The following KAT2B variants were observed in gnomAD, a reference collection of about 807,000 sequenced individuals.
The protein encoded by KAT2B is lysine acetyltransferase 2B, also known as histone acetyltransferase KAT2B.
A neutral mutation model predicts 105.9 loss-of-function variants in KAT2B; 36 were observed. The observed-to-expected ratio is 0.34, with a 90% CI of 0.26 to 0.45. KAT2B has a LOEUF of 0.45. KAT2B is among the 20% of genes least tolerant of loss of function. The pLI, the probability that KAT2B is intolerant of heterozygous loss-of-function variation, is 1.00. For synonymous variants in KAT2B, 397 were observed against 377.9 expected (o/e 1.05, Z -0.59); for missense variants, 820 against 1,021.6 (o/e 0.80, Z 2.69).
Position 20,122,542 on chromosome 3 carries a change from T to C in KAT2B, c.1277-126T>C, listed in dbSNP as rs189306316. 9.3e-6 allele frequency: 6 copies of C among 646,132 alleles called. No homozygotes were observed. The East Asian group carries it at 1.7e-4, about 19-fold the overall frequency. 40.0% of individuals were successfully genotyped at this position (646,132 alleles called of 1,614,324 possible). A position where few individuals can be genotyped will look rare whatever the true frequency, so the allele number is the denominator to read the frequency against. ...TTTCCTGTCTTCCTTTGTCACCCCT[T>C]CCCCTGGTGGTAAAGATAGAGTTGA... On this transcript the variant is annotated intron_variant, in intron 8 of 17. Transcript: ENST00000263754.
At chr3:20,049,380 G>A (rs930359384) in intron 1 of KAT2B, among the ~76,000 whole-genome samples, 14 of 152,166 alleles carry the variant, frequency 9.2e-5, no homozygotes, top group African/African-American at 2.7e-4. Context: ...CACGACATTT[G>A]ATTCTTCTAC....
intron 1 of KAT2B, among the ~76,000 whole-genome samples, chr3:20,067,152 A>C (rs1610186): frequency 0.5 from 75,259 of 152,004 alleles, 20,960 homozygotes; most frequent in East Asian, 0.95. Flanking sequence ...AAATAAAAAT[A>C]TACTTTGTAC....
At chr3:20,134,632 C>A (rs1464809673) in intron 11 of KAT2B, among the ~76,000 whole-genome samples, 2 of 152,188 alleles carry the variant, frequency 1.3e-5, no homozygotes, top group Non-Finnish European at 2.9e-5. Flanking sequence ...TGGTCTCGAT[C>A]TCCTGACCTC....
intron 13 of KAT2B, among the ~76,000 whole-genome samples, chr3:20,141,987 T>G (rs1468369875): frequency 2.0e-5 from 3 of 152,098 alleles, no homozygotes; most frequent in South Asian, 2.1e-4. Context: ...CAGCAGCACA[T>G]CGTTCCGCAT....
rs144992121 is a variant in KAT2B, at chr3:20,079,709, C to T, written c.430+7250C>T. Among the ~76,000 whole-genome samples, 5 of 152,272 alleles carry T rather than the reference C, an allele frequency of 3.3e-5. No individual in the cohort carries two copies. In the East Asian group the frequency reaches 5.8e-4, roughly 18 times the overall value. ...TAGACTTGTACCATATAATTGCCCC[C>T]TCAGTTCCCATTTATACATGTACTG... On this transcript the variant is annotated intron_variant, in intron 2 of 17. Coordinates refer to ENST00000263754, the MANE Select transcript of KAT2B (RefSeq NM_003884.5).
At chr3:20,093,830 A>G (rs1256471772) in intron 2 of KAT2B, among the ~76,000 whole-genome samples, 1 of 152,168 alleles carries the variant, frequency 6.6e-6, no homozygotes, top group Non-Finnish European at 1.5e-5. Flanking sequence ...AAACGTAGTA[A>G]TAGATGTTGG....
At chr3:20,081,430 G>A (rs1214771826) in intron 2 of KAT2B, among the ~76,000 whole-genome samples, 2 of 152,170 alleles carry the variant, frequency 1.3e-5, no homozygotes, top group Non-Finnish European at 1.5e-5. Context: ...GTCACTCTCT[G>A]GCACCCTGGG....
rs1439349691 is a variant in KAT2B, at chr3:20,148,254, G to C, written c.2168G>C (p.Arg723Thr). 1 of 1,613,864 alleles carries C rather than the reference G, an allele frequency of 6.2e-7. No homozygotes were observed. ...TTTTTCCTTTCAAGTAAAGAGCCCA[G>C]AGACCCTGACCAGCTTTACAGCACG... ...PSGKEKSKEP[R>T]DPDQLYSTLK... Residue 723 changes from arginine to threonine, a missense_variant, in exon 16 of 18, where the codon AGA becomes ACA. By Grantham distance (71) the Arg-to-Thr change is moderately conservative. Coordinates refer to ENST00000263754, the MANE Select transcript of KAT2B (RefSeq NM_003884.5).
intron 1 of KAT2B, among the ~76,000 whole-genome samples, chr3:20,051,503 T>A (rs1440169879): frequency 5.9e-5 from 9 of 152,232 alleles, no homozygotes; most frequent in Non-Finnish European, 4.4e-5. Context: ...ACCATACATG[T>A]TGAGAGTGAT....
chr3:20,145,142 T>G (rs1204716474), intron 13 of KAT2B, among the ~76,000 whole-genome samples: 2 of 152,204 alleles, frequency 1.3e-5, no homozygotes, highest in African/African-American at 4.8e-5. Flanking sequence ...CAATGTAAAA[T>G]ATCTTACACT....
intron 1 of KAT2B, among the ~76,000 whole-genome samples, chr3:20,066,966 C>T (rs922402668): frequency 4.6e-5 from 7 of 151,980 alleles, no homozygotes; most frequent in Middle Eastern, 3.2e-3. Context: ...TTAAAGACTC[C>T]GTATTCGCTT....
intron 5 of KAT2B, among the ~76,000 whole-genome samples, chr3:20,105,284 C>T (rs1698980329): frequency 6.6e-6 from 1 of 152,104 alleles, no homozygotes; most frequent in South Asian, 2.1e-4. Flanking sequence ...TTTTGAAGTT[C>T]CTGAATTTCA....
chr3:20,111,570 A>G, intron 5 of KAT2B, 26 bp from the exon 6 acceptor site: 1 of 1,577,954 alleles, frequency 6.3e-7, no homozygotes, highest in African/African-American at 1.4e-5. Flanking sequence ...TGGGATATTG[A>G]TGGTGCTTGA....
At chr3:20,083,325 A>C (rs977706024) in intron 2 of KAT2B, among the ~76,000 whole-genome samples, 3 of 152,216 alleles carry the variant, frequency 2.0e-5, no homozygotes, top group Non-Finnish European at 4.4e-5. Flanking sequence ...ACTTTTAGAT[A>C]ATTGAAGGGA....
chr3:20,146,389 A>G lies in KAT2B; in HGVS notation c.2078A>G (p.Asp693Gly). 4.3e-6 allele frequency: 7 copies of G among 1,613,314 alleles called. No individual in the cohort carries two copies. The highest frequency in any genetic ancestry group is 5.1e-6 in the Non-Finnish European group (6 of 1,179,338). ...TACCCTGGACTTTCATGTTTTAAAG[A>G]TGGAGTTCGACAGATTCCTATAGAA... ...KVYPGLSCFK[D>G]GVRQIPIESI... Residue 693 changes from aspartate (D) to glycine (G), a missense_variant, in exon 14 of 18, where the codon GAT (aspartate) becomes GGT (glycine). By Grantham distance (94) the Asp-to-Gly change is moderately conservative. Around this residue, in one of 6 missense-constraint regions of KAT2B, gnomAD observed 227 missense variants for 292.9 expected, o/e 0.77. Coordinates refer to ENST00000263754, the MANE Select transcript of KAT2B (RefSeq NM_003884.5).
At chr3:20,111,229 G>A (rs1699115329) in intron 5 of KAT2B, among the ~76,000 whole-genome samples, 1 of 152,100 alleles carries the variant, frequency 6.6e-6, no homozygotes, top group Non-Finnish European at 1.5e-5. Context: ...CAATGAAGTA[G>A]GTATTATTGT....
chr3:20,072,379 C>T lies in KAT2B; in HGVS notation c.350C>T (p.Ser117Leu). 6.2e-7 allele frequency: 1 copy of T among 1,612,974 alleles called. No homozygotes were observed. Among genetic ancestry groups the T allele is most frequent in the Non-Finnish European group, 8.5e-7 (1 of 1,178,992 alleles). Residue 117 changes from serine to leucine, a missense_variant, in exon 2 of 18, where the codon TCA becomes TTA. Ser to Leu is a moderately radical substitution (Grantham distance 145). This residue lies in a region of KAT2B where 190 missense variants were observed against 176.7 expected (regional missense o/e 1.08). Coordinates refer to ENST00000263754, the MANE Select transcript of KAT2B (RefSeq NM_003884.5). ...KCNGWKNPNP[S>L]PTPPRADLQQ... is the part of the protein sequence containing the mutation. ...AATGGCTGGAAAAACCCTAACCCCT[C>T]ACCCACTCCCCCCAGAGCCGACCTG...
chr3:20,061,867 A>G (rs1325693258), intron 1 of KAT2B, among the ~76,000 whole-genome samples: 3 of 87,660 alleles, frequency 3.4e-5, no homozygotes, highest in Non-Finnish European at 4.8e-5. Context: ...TACATAAAAT[A>G]TATAATATAT....
chr3:20,094,348 A>C (rs1299981104), intron 2 of KAT2B, among the ~76,000 whole-genome samples: 2 of 152,110 alleles, frequency 1.3e-5, no homozygotes, highest in Admixed American at 6.5e-5. Context: ...AGCATGGGGG[A>C]AACTGCCTCC....
Sources: gnomAD v4.1 joint callset for allele counts (sites outside exome capture counted in the v4.1 genomes callset) on GRCh38, gnomAD v4.1.1 for gene constraint, gnomAD v4.1.1 regional missense constraint, MANE v1.5 for transcripts, NCBI Gene and HGNC (gene_info 2026-07-23, HGNC 2026-07-21) for gene names.